MS4A12: variants seen among roughly 807,000 people sequenced by gnomAD.
The protein encoded by MS4A12 is membrane spanning 4-domains A12.
In MS4A12, 28 loss-of-function variants were observed where a neutral mutation model predicts 23.7. That is an observed-to-expected ratio of 1.18 (90% confidence interval 0.88 to 1.62). The LOEUF is 1.62. Ranked by LOEUF, MS4A12 falls within the 40% of genes most tolerant of loss-of-function variation. MS4A12 has a pLI of 0.00. For missense variants in MS4A12, 342 were observed against 327.0 expected, an observed-to-expected ratio of 1.05 and a Z score of -0.35; for synonymous variants, 108 against 110.1, an observed-to-expected ratio of 0.98 and a Z score of 0.12.
At chr11:60,502,102 AAAATTG>A in intron 4 of MS4A12, 63 bp downstream of exon 4, 1 of 1,475,528 alleles carries the variant, frequency 6.8e-7, no homozygotes, top group South Asian at 1.2e-5. Flanking sequence ...ATTGGGGAGG[AAAATTG>A]AAAAGCTGGA....
At position 60,497,397 on chromosome 11, in the gene MS4A12, G is replaced by C. The variant is rs768355697; in HGVS notation, c.79G>C (p.Ala27Pro). ...PNPYPPSSFM[A>P]PGFQQPLGSI... ...CCCTTACCCACCAAGCAGCTTTATGGCTCCTGGATTTCAACAGCCTCTGGG... is the reference window on the plus strand; with the variant it reads ...CCCTTACCCACCAAGCAGCTTTATGCCTCCTGGATTTCAACAGCCTCTGGG... The change falls in exon 2 of 7, where the codon GCT (alanine) becomes CCT (proline). Residue 27 changes from alanine to proline, a missense_variant. Transcript: ENST00000016913. The C allele has an allele frequency of 6.2e-7, 1 of 1,614,142 alleles. No homozygotes were observed. Among genetic ancestry groups the C allele is most frequent in the Admixed American group, 1.7e-5 (1 of 60,014 alleles).
intron 1 of MS4A12, among the ~76,000 whole-genome samples, chr11:60,495,119 T>C (rs2086478240): frequency 6.6e-6 from 1 of 151,508 alleles, no homozygotes; most frequent in African/African-American, 2.4e-5. Context: ...CAGCCTCCCA[T>C]GTAGCTGGGA....
intron 6 of MS4A12, 61 bp from the exon 7 acceptor site, chr11:60,506,959 C>A (rs1057402014): frequency 3.3e-6 from 5 of 1,532,214 alleles, no homozygotes; most frequent in Non-Finnish European, 4.5e-6. Context: ...TCTGATGGTA[C>A]CAGGGGAAAT....
intron 6 of MS4A12, 45 bp downstream of exon 6, chr11:60,506,883 G>C (rs1565206229): frequency 1.9e-6 from 3 of 1,568,366 alleles, no homozygotes; most frequent in East Asian, 2.2e-5. Flanking sequence ...AAATGCCCTG[G>C]AGAAATACAG....
At chr11:60,505,405 A>T (rs1430968114) in intron 5 of MS4A12, among the ~76,000 whole-genome samples, 1 of 152,162 alleles carries the variant, frequency 6.6e-6, no homozygotes, top group Admixed American at 6.5e-5. Flanking sequence ...GGGGACACAG[A>T]GCCAAACCGT....
At chr11:60,498,675 C>T (rs976143870) in intron 2 of MS4A12, among the ~76,000 whole-genome samples, 2 of 151,950 alleles carry the variant, frequency 1.3e-5, no homozygotes, top group African/African-American at 4.8e-5. Context: ...TAGAAGGTGT[C>T]GAATGATATA....
intron 1 of MS4A12, among the ~76,000 whole-genome samples, chr11:60,495,633 G>C (rs2086482582): frequency 6.6e-6 from 1 of 151,998 alleles, no homozygotes. Context: ...TTTACAGACA[G>C]AAAACAAAGG....
At chr11:60,500,100 G>T (rs553370032) in intron 2 of MS4A12, among the ~76,000 whole-genome samples, 1 of 152,134 alleles carries the variant, frequency 6.6e-6, no homozygotes, top group South Asian at 2.1e-4. Flanking sequence ...AATTAGCCAG[G>T]CATGGTGGCG....
chr11:60,493,271 G>C (rs1031932955), intron 1 of MS4A12, among the ~76,000 whole-genome samples: 6 of 151,964 alleles, frequency 3.9e-5, no homozygotes, highest in African/African-American at 1.5e-4. Flanking sequence ...AGCTACTCGG[G>C]GGGCTGAGGC....
chr11:60,493,322 G>C (rs1435576580), intron 1 of MS4A12, among the ~76,000 whole-genome samples: 1 of 151,342 alleles, frequency 6.6e-6, no homozygotes, highest in Non-Finnish European at 1.5e-5. Context: ...GTTGCAGTGA[G>C]CCGAGATCGC....
intron 5 of MS4A12, among the ~76,000 whole-genome samples, chr11:60,504,087 G>T (rs1270047350): frequency 6.6e-6 from 1 of 152,082 alleles, no homozygotes; most frequent in Non-Finnish European, 1.5e-5. Context: ...GGCCTCCATG[G>T]CTTCTAAAAT....
At chr11:60,505,174 G>A (rs1016078383) in intron 5 of MS4A12, among the ~76,000 whole-genome samples, 2 of 152,154 alleles carry the variant, frequency 1.3e-5, no homozygotes, top group Non-Finnish European at 2.9e-5. Flanking sequence ...CATGGCAGAA[G>A]GCAAGGAGGA....
Position 60,501,981 on chromosome 11 carries a change from A to G in MS4A12, c.415-2A>G. 6.2e-7 allele frequency: 1 copy of G among 1,611,248 alleles called. No homozygotes were observed. The highest frequency in any genetic ancestry group is 8.5e-7 in the Non-Finnish European group (1 of 1,177,878). On this transcript the variant is annotated splice_acceptor_variant, in intron 3 of 6. Transcript: ENST00000016913. LOFTEE classifies it high-confidence loss of function. ...CACAAATAAATTTGTCCATTTCCAC[A>G]GTTTATTATCTCTGGCTCTCTCTCT...
chr11:60,494,221 A>G (rs2086471059), intron 1 of MS4A12, among the ~76,000 whole-genome samples: 1 of 152,212 alleles, frequency 6.6e-6, no homozygotes. Context: ...CTGAGTCCTA[A>G]TAACTATAGA....
chr11:60,503,484 C>T (rs976234050), intron 4 of MS4A12, among the ~76,000 whole-genome samples: 1 of 152,132 alleles, frequency 6.6e-6, no homozygotes, highest in African/African-American at 2.4e-5. Context: ...ATATGATTTA[C>T]ATTTTTCTAC....
At position 60,507,017 on chromosome 11, in the gene MS4A12, C is replaced by T; in HGVS notation, c.700-3C>T. The T allele has an allele frequency of 6.2e-7, 1 of 1,608,784 alleles. No individual in the cohort carries two copies. Among genetic ancestry groups the T allele is most frequent in the Non-Finnish European group, 8.5e-7 (1 of 1,175,262 alleles). On this transcript the variant is annotated splice_polypyrimidine_tract_variant and splice_region_variant and intron_variant, in intron 6 of 6. Coordinates refer to ENST00000016913, the MANE Select transcript of MS4A12 (RefSeq NM_017716.3). The stretch of plus-strand genomic sequence containing the variant: ...ATTGCTTGTTTTTATTCATTCTTTC[C>T]AGTCTGTCCTGGTTATTCCAAATAT...
chr11:60,500,053 C>A (rs2086518149), intron 2 of MS4A12, among the ~76,000 whole-genome samples: 1 of 151,634 alleles, frequency 6.6e-6, no homozygotes, highest in South Asian at 2.1e-4. Flanking sequence ...TCCTGGCTAA[C>A]CCGTGAAACC....
At chr11:60,506,666 T>C in intron 5 of MS4A12, 62 bp from the exon 6 acceptor site, 1 of 1,327,748 alleles carries the variant, frequency 7.5e-7, no homozygotes, top group Non-Finnish European at 1.1e-6. Flanking sequence ...TCAATAACTT[T>C]TTGAAGCCCA....
At chr11:60,501,264 C>A in intron 3 of MS4A12, 82 bp downstream of exon 3, 1 of 1,338,812 alleles carries the variant, frequency 7.5e-7, no homozygotes, top group Non-Finnish European at 1.0e-6. Flanking sequence ...TATCTCCAGC[C>A]AATTCACAAC....
Sources: gnomAD v4.1 joint callset for allele counts (sites outside exome capture counted in the v4.1 genomes callset) on GRCh38, gnomAD v4.1.1 for gene constraint, MANE v1.5 for transcripts, NCBI Gene and HGNC (gene_info 2026-07-23, HGNC 2026-07-21) for gene names.